CLPX: variants seen among roughly 807,000 people sequenced by gnomAD.
The protein encoded by CLPX is caseinolytic mitochondrial matrix peptidase chaperone subunit X, also known as ATP-dependent clpX-like chaperone, mitochondrial.
In CLPX, 34 loss-of-function variants were observed where a neutral mutation model predicts 76.4. The observed-to-expected ratio is 0.45, with a 90% confidence interval of 0.34 to 0.59. The LOEUF (loss-of-function observed/expected upper bound fraction) is 0.59. Among genes scored for constraint, CLPX ranks in the 20% least tolerant of loss-of-function variants. The probability of loss-of-function intolerance (pLI) is 0.01; values close to 1 mark genes in which losing one functional copy is unlikely to be tolerated. For synonymous variants in CLPX, 248 were observed against 270.9 expected (o/e 0.92, Z 0.83); for missense variants, 613 against 757.0 (o/e 0.81, Z 2.23).
chr15:65,163,882 T>C (rs554984479), intron 5 of CLPX, 147 bp downstream of exon 5: 1 of 731,800 alleles, frequency 1.4e-6, no homozygotes, highest in Admixed American at 2.7e-5. Flanking sequence ...GGCAAATGAT[T>C]TCATAACACA....
At chr15:65,165,466 C>G (rs1372476767) in intron 4 of CLPX, among the ~76,000 whole-genome samples, 1 of 139,948 alleles carries the variant, frequency 7.1e-6, no homozygotes, top group Non-Finnish European at 1.5e-5. Flanking sequence ...TCACTGCAAG[C>G]TCCGCCTCCC....
chr15:65,156,853 G>A lies in CLPX; in HGVS notation c.1137C>T (p.Gly379=), dbSNP rs374143901. 4.3e-6 allele frequency: 7 copies of A among 1,610,194 alleles called. No homozygotes were observed. Among genetic ancestry groups the A allele is most frequent in the African/African-American group, 2.7e-5 (2 of 74,810 alleles). The change falls in exon 9 of 14, where the codon GGC becomes GGT. Residue 379 remains glycine, a synonymous_variant. Coordinates refer to ENST00000300107, the MANE Select transcript of CLPX (RefSeq NM_006660.5). The stretch of plus-strand genomic sequence containing the variant: ...ATACTCAACTGCTTACTTGCTGAAC[G>A]CCTTCTCCACCTACATCCCGTAATT... ...IHQLRDVGGE[G]VQQGLLKLLE... is the part of the protein sequence containing the mutation.
intron 1 of CLPX, among the ~76,000 whole-genome samples, chr15:65,180,578 T>G (rs1274323358): frequency 6.6e-6 from 1 of 152,126 alleles, no homozygotes; most frequent in East Asian, 1.9e-4. Context: ...AGAATAAACA[T>G]CTGACAGCAA....
At position 65,166,702 on chromosome 15, in the gene CLPX, T is replaced by C; in HGVS notation, c.442A>G (p.Lys148Glu). Residue 148 changes from lysine (K) to glutamate (E), a missense_variant, in exon 4 of 14, where the codon AAA becomes GAA. By Grantham distance (56) the Lys-to-Glu change is moderately conservative. Coordinates refer to ENST00000300107, the MANE Select transcript of CLPX (RefSeq NM_006660.5). ...SEADSKKSII[K>E]EPESAAEAVK... is the part of the protein sequence containing the mutation. ...GCTTCTGCTGCTGATTCAGGTTCTT[T>C]AATTATGCTTTTCTTTGAGTCTGCT... 6.2e-7 allele frequency: 1 copy of C among 1,614,128 alleles called. No individual in the cohort carries two copies.
chr15:65,178,828 C>CA, intron 3 of CLPX, 106 bp downstream of exon 3: 1 of 570,152 alleles, frequency 1.8e-6, no homozygotes, highest in Non-Finnish European at 2.9e-6. Context: ...AAGCCGTTTG[C>CA]ACCTGGCCTA....
At chr15:65,156,363 C>T (rs2087789805) in intron 9 of CLPX, among the ~76,000 whole-genome samples, 1 of 152,180 alleles carries the variant, frequency 6.6e-6, no homozygotes, top group Non-Finnish European at 1.5e-5. Flanking sequence ...CAATTTTCCT[C>T]ACCCTTTAAT....
chr15:65,162,697 C>T (rs766700391), intron 5 of CLPX, 52 bp from the exon 6 acceptor site: 1 of 984,314 alleles, frequency 1.0e-6, no homozygotes, highest in Non-Finnish European at 1.6e-6. Context: ...GGGGAACAAA[C>T]AATGAGTATC....
rs756709076 is a variant in CLPX at position 65,180,109 on chromosome 15, C to T, written c.175G>A (p.Glu59Lys). The change falls in exon 2 of 14, where the codon GAA (glutamate) becomes AAA (lysine). Residue 59 changes from glutamate to lysine, a missense_variant. By Grantham distance (56) the Glu-to-Lys change is moderately conservative (BLOSUM62 1). Transcript: ENST00000300107. ...LQRAPLRSFT[E>K]TPAYFASKDG... ...TTTGAGGCAAAGTATGCTGGTGTTT[C>T]TGTAAAGGATCTAAGAGGAGCTCTT... 2 of 1,612,514 alleles carry T rather than the reference C, an allele frequency of 1.2e-6. No individual in the cohort carries two copies. Among genetic ancestry groups the T allele is most frequent in the East Asian group, 2.2e-5 (1 of 44,822 alleles).
At chr15:65,151,014 C>T in intron 13 of CLPX, 101 bp from the exon 14 acceptor site, 3 of 730,392 alleles carry the variant, frequency 4.1e-6, no homozygotes, top group East Asian at 5.2e-5. Context: ...GCTAAGAAAG[C>T]CACGATAATA....
intron 13 of CLPX, among the ~76,000 whole-genome samples, chr15:65,151,122 A>T (rs2087713631): frequency 6.6e-6 from 1 of 152,060 alleles, no homozygotes; most frequent in South Asian, 2.1e-4. Context: ...AGGAGGGCTG[A>T]TCACTTGAGG....
chr15:65,164,434 TTTCTA>T (rs1255714155), intron 4 of CLPX, among the ~76,000 whole-genome samples: 3 of 152,218 alleles, frequency 2.0e-5, no homozygotes, highest in Admixed American at 2.0e-4. Context: ...GTTGTGCTAA[TTTCTA>T]TTCTATAAAC....
At chr15:65,167,610 T>C (rs997755848) in intron 3 of CLPX, among the ~76,000 whole-genome samples, 1 of 151,900 alleles carries the variant, frequency 6.6e-6, no homozygotes, top group African/African-American at 2.4e-5. Context: ...GCGTGTTGGC[T>C]CATGCCTGTA....
rs568241672 is a variant in CLPX at position 65,151,870 on chromosome 15, T to C, written c.1811+560A>G. Among the ~76,000 whole-genome samples, 7 of 152,264 alleles carry C rather than the reference T, an allele frequency of 4.6e-5. No individual in the cohort carries two copies. In the Middle Eastern group the frequency reaches 0.01, roughly 222 times the overall value. ...TGTCAAGCATTGCATAGTAAACATT[T>C]ATTGAATAAATCAGGGGTTAGGAAA... On this transcript the variant is annotated intron_variant, in intron 13 of 13. Transcript: ENST00000300107.
chr15:65,154,212 G>T (rs2087759254), intron 11 of CLPX, among the ~76,000 whole-genome samples: 2 of 152,178 alleles, frequency 1.3e-5, no homozygotes, highest in South Asian at 4.1e-4. Context: ...GATAGTCACA[G>T]ACAGACATGA....
At chr15:65,169,738 T>C (rs1434978691) in intron 3 of CLPX, among the ~76,000 whole-genome samples, 1 of 151,552 alleles carries the variant, frequency 6.6e-6, no homozygotes, top group Non-Finnish European at 1.5e-5. Context: ...TTATAGGATG[T>C]AGATATATGG....
At chr15:65,181,527 T>C (rs989704947) in intron 1 of CLPX, among the ~76,000 whole-genome samples, 2 of 148,494 alleles carry the variant, frequency 1.3e-5, no homozygotes, top group African/African-American at 5.0e-5. Context: ...TTGAGGTGGG[T>C]GGATCACTTG....
At chr15:65,177,573 C>T (rs1168412756) in intron 3 of CLPX, among the ~76,000 whole-genome samples, 2 of 152,124 alleles carry the variant, frequency 1.3e-5, no homozygotes, top group African/African-American at 4.8e-5. Flanking sequence ...ATAGAGAATA[C>T]TCTCTAGCCA....
chr15:65,162,698 A>T, intron 5 of CLPX, 53 bp from the exon 6 acceptor site: 1 of 996,934 alleles, frequency 1.0e-6, no homozygotes, highest in Non-Finnish European at 1.6e-6. Flanking sequence ...GGGAACAAAC[A>T]ATGAGTATCC....
At chr15:65,172,285 A>G (rs2088020501) in intron 3 of CLPX, among the ~76,000 whole-genome samples, 1 of 152,146 alleles carries the variant, frequency 6.6e-6, no homozygotes, top group Admixed American at 6.6e-5. Context: ...CTCCAAAAAC[A>G]AGGGGCAAAA....
Sources: gnomAD v4.1 joint callset for allele counts (sites outside exome capture counted in the v4.1 genomes callset) on GRCh38, gnomAD v4.1.1 for gene constraint, MANE v1.5 for transcripts, NCBI Gene and HGNC (gene_info 2026-07-23, HGNC 2026-07-21) for gene names.